The following CNTN5 variants were observed in gnomAD, a reference collection of about 807,000 sequenced individuals.
CNTN5 encodes contactin-5.
Under a neutral mutation model 129.1 loss-of-function variants are expected in CNTN5, and 77 were observed. The ratio of observed to expected loss-of-function variants is 0.60; its 90% CI spans 0.50 to 0.72. The LOEUF (loss-of-function observed/expected upper bound fraction) is 0.72, where lower values mean the gene tolerates loss of function less well. Among genes scored for constraint, CNTN5 ranks in the 30% least tolerant of loss-of-function variants. The probability of loss-of-function intolerance (pLI) is 0.00; values close to 1 mark genes in which losing one functional copy is unlikely to be tolerated. For synonymous variants in CNTN5, 509 were observed against 465.6 expected, an observed-to-expected ratio of 1.09 and a Z score of -1.20; for missense variants, 1,478 against 1,328.8, an observed-to-expected ratio of 1.11 and a Z score of -1.75.
At chr11:99,994,159 A>T (rs7929947) in intron 8 of CNTN5, among the ~76,000 whole-genome samples, 56,981 of 151,438 alleles carry the variant, frequency 0.38, 12,150 homozygotes, top group African/African-American at 0.59. Flanking sequence ...TTTTAACGAC[A>T]ATGGCAACAA....
chr11:99,753,119 C>CTGTTTTTTTTTT (rs528319697), intron 3 of CNTN5, among the ~76,000 whole-genome samples: 1 of 93,080 alleles, frequency 1.1e-5, no homozygotes, highest in East Asian at 3.7e-4. Flanking sequence ...GCCATATTTG[C>CTGTTTTTTTTTT]TTTTTTTTTT....
At chr11:99,490,020 C>T (rs904256851) in intron 2 of CNTN5, among the ~76,000 whole-genome samples, 12 of 152,120 alleles carry the variant, frequency 7.9e-5, no homozygotes, top group African/African-American at 2.4e-4. Context: ...ATATTCACCC[C>T]TAGAATTCAG....
chr11:99,719,687 A>G (rs1943101769), intron 3 of CNTN5, among the ~76,000 whole-genome samples: 1 of 152,118 alleles, frequency 6.6e-6, no homozygotes, highest in Non-Finnish European at 1.5e-5. Flanking sequence ...AGAAATAACA[A>G]AAATCCGAGC....
intron 3 of CNTN5, among the ~76,000 whole-genome samples, chr11:99,571,980 ATCT>A (rs1273261411): frequency 2.0e-5 from 3 of 152,220 alleles, no homozygotes; most frequent in Non-Finnish European, 4.4e-5. Context: ...TCCTGCTCTA[ATCT>A]TAATGAGATA....
At chr11:99,580,062 G>A (rs1464775565) in intron 3 of CNTN5, among the ~76,000 whole-genome samples, 1 of 152,062 alleles carries the variant, frequency 6.6e-6, no homozygotes. Context: ...TTTGTCAAAG[G>A]CCTTTTCTGT....
chr11:99,249,344 T>A (rs1861982451), intron 1 of CNTN5, among the ~76,000 whole-genome samples: 1 of 152,182 alleles, frequency 6.6e-6, no homozygotes, highest in Non-Finnish European at 1.5e-5. Context: ...TGAAGTTGCC[T>A]ATCAGCTTAA....
At chr11:99,411,595 T>C (rs1327397803) in intron 2 of CNTN5, among the ~76,000 whole-genome samples, 1 of 152,060 alleles carries the variant, frequency 6.6e-6, no homozygotes, top group Non-Finnish European at 1.5e-5. Flanking sequence ...GCTCTTAGGG[T>C]TTTATGTGGC....
chr11:100,165,895 G>A (rs914962992), intron 13 of CNTN5, among the ~76,000 whole-genome samples: 1 of 151,824 alleles, frequency 6.6e-6, no homozygotes, highest in Admixed American at 6.6e-5. Context: ...TAAAGAACTT[G>A]CCTGCATCAT....
chr11:99,545,147 T>TATGA (rs1235085816), intron 2 of CNTN5, among the ~76,000 whole-genome samples: 2 of 152,242 alleles, frequency 1.3e-5, no homozygotes, highest in Admixed American at 1.3e-4. Flanking sequence ...CTTTAGAGAA[T>TATGA]ATGAATATTT....
intron 1 of CNTN5, among the ~76,000 whole-genome samples, chr11:99,060,410 G>A (rs561659149): frequency 3.3e-5 from 5 of 152,048 alleles, no homozygotes; most frequent in African/African-American, 9.6e-5. Context: ...AGATTTATAC[G>A]GGTTGTAGAA....
At chr11:99,133,856 T>A (rs1859083604) in intron 1 of CNTN5, among the ~76,000 whole-genome samples, 1 of 152,182 alleles carries the variant, frequency 6.6e-6, no homozygotes, top group African/African-American at 2.4e-5. Context: ...TGGTGATTCC[T>A]CAAATATTTA....
chr11:99,241,323 T>G (rs1166341742), intron 1 of CNTN5, among the ~76,000 whole-genome samples: 3 of 148,590 alleles, frequency 2.0e-5, no homozygotes, highest in African/African-American at 7.4e-5. Context: ...TGTTGGTTTT[T>G]TTTTTTTTTT....
intron 6 of CNTN5, among the ~76,000 whole-genome samples, chr11:99,907,732 A>G (rs1226777345): frequency 6.6e-6 from 1 of 151,986 alleles, no homozygotes; most frequent in South Asian, 2.1e-4. Context: ...AAGAATATTC[A>G]TTTCAGCAAC....
chr11:99,780,701 G>A (rs1301414729), intron 3 of CNTN5, among the ~76,000 whole-genome samples: 1 of 152,042 alleles, frequency 6.6e-6, no homozygotes, highest in African/African-American at 2.4e-5. Context: ...ATACTTCAAA[G>A]TGTTTAATCC....
At chr11:99,644,986 G>A (rs1951900054) in intron 3 of CNTN5, among the ~76,000 whole-genome samples, 1 of 151,720 alleles carries the variant, frequency 6.6e-6, no homozygotes, top group Non-Finnish European at 1.5e-5. Context: ...AAATTTTGAG[G>A]TCAGGCGTGG....
At chr11:100,053,893 C>T (rs946463512) in intron 9 of CNTN5, among the ~76,000 whole-genome samples, 2 of 151,710 alleles carry the variant, frequency 1.3e-5, no homozygotes, top group Admixed American at 1.3e-4. Flanking sequence ...GAATTAACTA[C>T]CGATGTGCAC....
chr11:99,836,412 G>A (rs1007589008), intron 4 of CNTN5, among the ~76,000 whole-genome samples: 53 of 151,576 alleles, frequency 3.5e-4, no homozygotes, highest in African/African-American at 6.3e-4. Context: ...TTGTCCTTGC[G>A]ATAGTTTGCT....
chr11:99,897,095 C>T (rs1024238801), intron 6 of CNTN5, among the ~76,000 whole-genome samples: 8 of 152,090 alleles, frequency 5.3e-5, no homozygotes, highest in African/African-American at 1.7e-4. Flanking sequence ...TTTGAACTAG[C>T]CCAGTCAGTT....
At chr11:99,591,097 CG>C in intron 3 of CNTN5, among the ~76,000 whole-genome samples, 1 of 152,212 alleles carries the variant, frequency 6.6e-6, no homozygotes, top group Non-Finnish European at 1.5e-5. Context: ...AACATCTCCA[CG>C]TTGGCCCAGG....
Sources: allele counts gnomAD v4.1 joint callset (sites outside exome capture counted in the v4.1 genomes callset), GRCh38; gene constraint gnomAD v4.1.1; transcripts MANE v1.5; gene names NCBI Gene and HGNC (gene_info 2026-07-23, HGNC 2026-07-21).